The following SRPRB variants were observed in gnomAD, a reference collection of about 807,000 sequenced individuals.
SRPRB encodes SRP receptor subunit beta.
Under a neutral mutation model 31.9 loss-of-function variants are expected in SRPRB, and 20 were observed. The observed-to-expected ratio is 0.63, with a 90% CI of 0.44 to 0.91. SRPRB has a LOEUF of 0.91. SRPRB is among the 40% of genes least tolerant of loss of function. The pLI is 0.00. For missense variants in SRPRB, 321 were observed against 324.9 expected (o/e 0.99, Z 0.09); for synonymous variants, 146 against 132.8 (o/e 1.10, Z -0.68).
chr3:133,812,985 A>G (rs1329006608), intron 4 of SRPRB, among the ~76,000 whole-genome samples: 4 of 152,120 alleles, frequency 2.6e-5, no homozygotes, highest in African/African-American at 4.8e-5. Flanking sequence ...TGAGTAGTCA[A>G]ATGTTTTCAG....
At chr3:133,827,844 C>T (rs1935594509), downstream of SRPRB, 1 of 667,920 alleles carries the variant, frequency 1.5e-6, no homozygotes, top group African/African-American at 1.8e-5. Flanking sequence ...GCACACTGCC[C>T]AACATCACAC....
At chr3:133,801,157 G>A (rs1935055232), upstream of SRPRB, among the ~76,000 whole-genome samples, 2 of 152,196 alleles carry the variant, frequency 1.3e-5, no homozygotes, top group Admixed American at 1.3e-4. Context: ...GTACATTGGA[G>A]CTTTGGGGAG....
Position 133,819,910 on chromosome 3 carries a change from A to T in SRPRB, c.*144A>T. ...CTGGAAACAAAGTACTGTTGAAACC[A>T]GCTTGGAATTTTTTTTTTTTTTTTT... On this transcript the variant is annotated 3_prime_UTR_variant, in exon 7 of 7. Coordinates refer to ENST00000678299, the MANE Select transcript of SRPRB (RefSeq NM_001379313.1). 4.1e-6 allele frequency: 3 copies of T among 732,268 alleles called. No individual in the cohort carries two copies. Among genetic ancestry groups the T allele is most frequent in the African/African-American group, 1.8e-5 (1 of 55,368 alleles). The allele number at this position is 732,268 out of a possible 1,614,324, so 45.4% of individuals were successfully genotyped here. A position where few individuals can be genotyped will look rare whatever the true frequency, so the allele number is the denominator to read the frequency against.
chr3:133,786,818 A>G (rs2107947095), intron 1 of SRPRB: 1 of 152,350 alleles, frequency 6.6e-6, no homozygotes, highest in East Asian at 1.9e-4. Context: ...CATATAGTGG[A>G]CGAATTAACT....
intron 1 of SRPRB, chr3:133,792,619 A>G (rs1022785885): frequency 5.9e-5 from 9 of 152,244 alleles, no homozygotes; most frequent in African/African-American, 2.4e-5. Flanking sequence ...ACATTGTAAC[A>G]TGTAAGTGAG....
intron 1 of SRPRB, chr3:133,795,142 A>T (rs1424669181): frequency 6.6e-6 from 1 of 152,234 alleles, no homozygotes; most frequent in Non-Finnish European, 1.5e-5. Context: ...AACATCAGGT[A>T]TTATAGAGAT....
intron 1 of SRPRB, among the ~76,000 whole-genome samples, chr3:133,797,544 A>C (rs976412569): frequency 6.6e-6 from 1 of 152,230 alleles, no homozygotes; most frequent in Non-Finnish European, 1.5e-5. Context: ...AACACCCTTT[A>C]TGCATTTTTG....
chr3:133,814,957 G>A (rs1252878691), intron 4 of SRPRB, among the ~76,000 whole-genome samples: 5 of 152,174 alleles, frequency 3.3e-5, no homozygotes, highest in Non-Finnish European at 7.3e-5. Context: ...ACAGGTCATT[G>A]TGTCACGCCT....
At chr3:133,802,131 G>A (rs1559888541), upstream of SRPRB, among the ~76,000 whole-genome samples, 2 of 152,164 alleles carry the variant, frequency 1.3e-5, no homozygotes, top group Non-Finnish European at 2.9e-5. Flanking sequence ...TAGGCAGGGC[G>A]TGGTGGCTTG....
At chr3:133,828,442 CAAA>C (rs896510342), downstream of SRPRB, 15 of 386,782 alleles carry the variant, frequency 3.9e-5, no homozygotes, top group African/African-American at 2.7e-4. Flanking sequence ...TATACAAAAA[CAAA>C]AAGCACATCT....
intron 1 of SRPRB, chr3:133,786,550 G>A (rs1934692385): frequency 6.6e-6 from 1 of 152,172 alleles, no homozygotes; most frequent in Non-Finnish European, 1.5e-5. Flanking sequence ...TGGATCTAAA[G>A]GACAAATGAG....
chr3:133,808,874 A>G (rs1481606801), intron 3 of SRPRB, among the ~76,000 whole-genome samples: 1 of 143,640 alleles, frequency 7.0e-6, no homozygotes, highest in Admixed American at 7.0e-5. Context: ...TGGGCAATAG[A>G]GCGAGACTAA....
chr3:133,809,689 G>A (rs960324474), intron 3 of SRPRB, among the ~76,000 whole-genome samples: 2 of 151,906 alleles, frequency 1.3e-5, no homozygotes, highest in African/African-American at 4.8e-5. Flanking sequence ...ACCTAAACTA[G>A]GACTAGTCCA....
At position 133,815,605 on chromosome 3, in the gene SRPRB, T is replaced by G; in HGVS notation, c.426T>G (p.Val142=). The G allele has an allele frequency of 6.2e-7, 1 of 1,613,968 alleles. No individual in the cohort carries two copies. The highest frequency in any genetic ancestry group is 8.5e-7 in the Non-Finnish European group (1 of 1,179,980). Residue 142 remains valine (V), a synonymous_variant, in exon 5 of 7, where the codon GTT becomes GTG. Transcript: ENST00000678299. ...CTCCCTCCAGGGCTATTGTGTTTGT[T>G]GTGGATAGTGCAGCATTCCAGCGAG... The part of the protein sequence containing the change: ...FKSSARAIVF[V]VDSAAFQREV...
At position 133,820,662 on chromosome 3, in the gene SRPRB, A is replaced by AG. The variant is rs1424919632; in HGVS notation, c.*896_*897insG. ...GCATATTCATTGATGCCAAGAAAAA[A>AG]AAAAAGTTGCCTTTTTGAAGTGATG... On this transcript the variant is annotated 3_prime_UTR_variant, in exon 7 of 7. Transcript: ENST00000678299. 1 of 151,906 alleles carries AG rather than the reference A, an allele frequency of 6.6e-6. No homozygotes were observed. Among genetic ancestry groups the AG allele is most frequent in the African/African-American group, 2.4e-5 (1 of 41,436 alleles). The allele number at this position is 151,906 out of a possible 1,614,324, so 9.4% of individuals were successfully genotyped here.
chr3:133,820,593 G>A lies in SRPRB; in HGVS notation c.*827G>A, dbSNP rs1178227457. On this transcript the variant is annotated 3_prime_UTR_variant, in exon 7 of 7. Transcript: ENST00000678299. ...TTGTACTCCTGGCTAGAATGCTGTGGAACAAATACAAAGTGAAAAAAGTTC... is the reference window on the plus strand; with the variant it reads ...TTGTACTCCTGGCTAGAATGCTGTGAAACAAATACAAAGTGAAAAAAGTTC... The A allele has an allele frequency of 6.6e-6, 1 of 151,902 alleles. No homozygotes were observed. The highest frequency in any genetic ancestry group is 1.5e-5 in the Non-Finnish European group (1 of 67,998). 9.4% of individuals were successfully genotyped at this position (151,902 alleles called of 1,614,324 possible).
chr3:133,807,576 CAATT>C (rs1935185395), intron 2 of SRPRB, among the ~76,000 whole-genome samples, 166 bp from the exon 3 acceptor site: 1 of 151,986 alleles, frequency 6.6e-6, no homozygotes, highest in Admixed American at 6.5e-5. Context: ...GTAAAATATG[CAATT>C]AATTAGATTT....
chr3:133,793,434 C>T (rs1180129595), intron 1 of SRPRB: 2 of 151,980 alleles, frequency 1.3e-5, no homozygotes, highest in African/African-American at 2.4e-5. Context: ...GCCCCTGAAG[C>T]ATCCAAAAGA....
chr3:133,806,045 A>C, intron 1 of SRPRB, 43 bp downstream of exon 1: 1 of 1,596,824 alleles, frequency 6.3e-7, no homozygotes, highest in Non-Finnish European at 8.5e-7. Context: ...GGGCGGGCAG[A>C]GGTCCGGGCT....
Sources: gnomAD v4.1 joint callset for allele counts (sites outside exome capture counted in the v4.1 genomes callset) on GRCh38, gnomAD v4.1.1 for gene constraint, MANE v1.5 for transcripts, NCBI Gene and HGNC (gene_info 2026-07-23, HGNC 2026-07-21) for gene names.